The following SYNE2 variants were observed in gnomAD, a reference collection of about 807,000 sequenced individuals.
SYNE2 encodes nesprin-2.
A neutral mutation model predicts 856.3 loss-of-function variants in SYNE2; 431 were observed. That is an observed-to-expected ratio of 0.50 (90% CI 0.47 to 0.55). The LOEUF (loss-of-function observed/expected upper bound fraction) is 0.55. Among genes scored for constraint, SYNE2 ranks in the 20% least tolerant of loss-of-function variants. The probability of loss-of-function intolerance (pLI) is 0.00; values close to 1 mark genes in which losing one functional copy is unlikely to be tolerated. For missense variants in SYNE2, 8,129 were observed against 8,023.2 expected (o/e 1.01, Z -0.50); for synonymous variants, 2,923 against 2,872.3 (o/e 1.02, Z -0.56).
At chr14:64,026,945 A>G (rs2096984996) in intron 42 of SYNE2, among the ~76,000 whole-genome samples, 1 of 152,246 alleles carries the variant, frequency 6.6e-6, no homozygotes, top group Non-Finnish European at 1.5e-5. Context: ...GCTCTTAAAT[A>G]TTTATTTTAA....
intron 52 of SYNE2, among the ~76,000 whole-genome samples, 161 bp from the exon 53 acceptor site, chr14:64,073,806 TG>T (rs1344749167): frequency 6.6e-6 from 1 of 152,234 alleles, no homozygotes; most frequent in Non-Finnish European, 1.5e-5. Context: ...TTTTTATATG[TG>T]GTACATCCAT....
At position 64,056,207 on chromosome 14, in the gene SYNE2, A is replaced by C. The variant is rs370368366; in HGVS notation, c.10008A>C (p.Leu3336=). The part of the protein sequence containing the change: ...KLQLQYTLQE[L]VSKNSAMKEA... ...AACTTCAGTATACTTTACAGGAACT[A>C]GTTTCTAAGAACTCAGCAATGAAGG... Residue 3336 remains leucine, a synonymous_variant, in exon 49 of 116, where the codon CTA becomes CTC. Coordinates refer to ENST00000555002, the MANE Select transcript of SYNE2 (RefSeq NM_182914.3). 64 of 1,614,006 alleles carry C rather than the reference A, an allele frequency of 4.0e-5. No homozygotes were observed. In the African/African-American group the frequency reaches 7.2e-4, roughly 18 times the overall value.
chr14:63,913,195 A>G (rs1344650549), intron 2 of SYNE2, among the ~76,000 whole-genome samples: 2 of 152,152 alleles, frequency 1.3e-5, no homozygotes, highest in Admixed American at 6.5e-5. Flanking sequence ...TCAGCCTCCC[A>G]AAGTGCTGGG....
At chr14:63,817,108 C>T (rs1288237011) in intron 1 of SYNE2, among the ~76,000 whole-genome samples, 1 of 152,178 alleles carries the variant, frequency 6.6e-6, no homozygotes, top group Non-Finnish European at 1.5e-5. Context: ...CAATTCCAGA[C>T]TATCCCAGTT....
intron 6 of SYNE2, among the ~76,000 whole-genome samples, chr14:63,948,790 A>ATGTATATATATGTATATGTGTGTG (rs1566884745): frequency 1.4e-5 from 1 of 74,014 alleles, no homozygotes; most frequent in African/African-American, 7.3e-5. Context: ...GTGTATATAT[A>ATGTATATATATGTATATGTGTGTG]TATATATATA....
chr14:64,173,970 C>T (rs2098422620), intron 94 of SYNE2: 1 of 694,000 alleles, frequency 1.4e-6, no homozygotes, highest in Non-Finnish European at 2.6e-6. Flanking sequence ...TGCACACTGC[C>T]TGCGGAGCGG....
chr14:63,851,643 C>T (rs924321408), upstream of SYNE2, among the ~76,000 whole-genome samples: 1 of 152,152 alleles, frequency 6.6e-6, no homozygotes. Context: ...GTGGGTACAA[C>T]TTACAACTAA....
chr14:63,970,630 G>GTCTTTTT (rs2096461359), intron 11 of SYNE2, among the ~76,000 whole-genome samples: 1 of 137,404 alleles, frequency 7.3e-6, no homozygotes, highest in Non-Finnish European at 1.6e-5. Flanking sequence ...CTTCCTTTCT[G>GTCTTTTT]TCTTTTTTCT....
intron 1 of SYNE2, among the ~76,000 whole-genome samples, chr14:63,796,384 G>C (rs112951759): frequency 6.6e-6 from 1 of 152,142 alleles, no homozygotes; most frequent in Non-Finnish European, 1.5e-5. Context: ...TTGAACCCGG[G>C]AAGCAGAGGT....
At chr14:63,773,549 G>C (rs560068206) in intron 1 of SYNE2, among the ~76,000 whole-genome samples, 39 of 152,142 alleles carry the variant, frequency 2.6e-4, no homozygotes, top group Non-Finnish European at 7.4e-5. Context: ...TTTTTTCTTT[G>C]TTTGTTTTTA....
chr14:63,982,733 T>C lies in SYNE2; in HGVS notation c.1940T>C (p.Ile647Thr). ...EVSNDVVGSS[I>T]SKELRRLNKR... is the part of the protein sequence containing the mutation. ...AGCAATGATGTGGTTGGATCATCTATTTCTAAAGAACTGAGAAGGCTGAAT... is the reference window on the plus strand; with the variant it reads ...AGCAATGATGTGGTTGGATCATCTACTTCTAAAGAACTGAGAAGGCTGAAT... The change falls in exon 17 of 116, where the codon ATT becomes ACT. Residue 647 changes from isoleucine (I) to threonine (T), a missense_variant. This residue lies in a region of SYNE2 where 2,422 missense variants were observed against 2,357.4 expected (regional missense o/e 1.03). Transcript: ENST00000555002. The C allele has an allele frequency of 2.5e-6, 4 of 1,614,098 alleles. No homozygotes were observed. The highest frequency in any genetic ancestry group is 3.4e-6 in the Non-Finnish European group (4 of 1,179,992).
At chr14:64,178,566 T>C (rs1397830162) in intron 96 of SYNE2, among the ~76,000 whole-genome samples, 1 of 150,804 alleles carries the variant, frequency 6.6e-6, no homozygotes, top group African/African-American at 2.5e-5. Flanking sequence ...CAAGCGATCC[T>C]CCTACCTCAG....
Position 64,101,993 on chromosome 14 carries a change from A to G in SYNE2, c.12443A>G (p.Lys4148Arg), listed in dbSNP as rs1393091072. The G allele has an allele frequency of 2.5e-6, 4 of 1,614,126 alleles. No homozygotes were observed. Among genetic ancestry groups the G allele is most frequent in the East Asian group, 2.2e-5 (1 of 44,886 alleles). Residue 4148 changes from lysine to arginine, a missense_variant, in exon 64 of 116, where the codon AAG becomes AGG. Transcript: ENST00000555002. ...QSWSSLWKHDKDMEEDRASSS... is the reference protein window; with the variant it reads ...QSWSSLWKHDRDMEEDRASSS... ...TGGTCTTCACTTTGGAAGCATGACA[A>G]GGACATGGAAGAAGACAGAGCTTCC...
chr14:64,224,399 A>G lies in SYNE2; in HGVS notation c.20383-62A>G, dbSNP rs528810447. The G allele has an allele frequency of 1.4e-5, 18 of 1,246,086 alleles. No homozygotes were observed. The East Asian group carries it at 4.1e-4, about 28-fold the overall frequency. 77.2% of individuals were successfully genotyped at this position (1,246,086 alleles called of 1,614,324 possible). On this transcript the variant is annotated intron_variant, in intron 113 of 115. Coordinates refer to ENST00000555002, the MANE Select transcript of SYNE2 (RefSeq NM_182914.3). ...GATTTAAGGTAGGGGAGGGTGAGCT[A>G]TATCATGAAGAATATGCATGAAACA...
intron 1 of SYNE2, among the ~76,000 whole-genome samples, chr14:63,862,994 C>T (rs558339399): frequency 2.0e-5 from 3 of 152,166 alleles, no homozygotes; most frequent in African/African-American, 4.8e-5. Flanking sequence ...GGTGGAATTT[C>T]ACCATGTTGG....
intron 1 of SYNE2, among the ~76,000 whole-genome samples, chr14:63,829,191 T>A (rs184475953): frequency 2.6e-4 from 40 of 152,094 alleles, no homozygotes; most frequent in African/African-American, 9.4e-4. Flanking sequence ...GGTGGGAGGA[T>A]CGTTTGAGGC....
intron 92 of SYNE2, 103 bp from the exon 93 acceptor site, chr14:64,168,774 C>T: frequency 3.9e-6 from 3 of 778,366 alleles, no homozygotes; most frequent in African/African-American, 1.7e-5. Context: ...ATTAATTATC[C>T]CTCATATCCT....
intron 78 of SYNE2, among the ~76,000 whole-genome samples, chr14:64,136,289 CAAAAAAA>C (rs34694248): frequency 2.1e-4 from 13 of 62,034 alleles, no homozygotes; most frequent in South Asian, 6.1e-4. Flanking sequence ...GACTTCATCT[CAAAAAAA>C]AAAAAAAAAA....
At chr14:63,948,728 ATATGTGTATAGATATGTGTGTG>A (rs1198060054) in intron 6 of SYNE2, among the ~76,000 whole-genome samples, 49 of 90,632 alleles carry the variant, frequency 5.4e-4, no homozygotes, top group African/African-American at 1.1e-3. Flanking sequence ...GTGTGTATAT[ATATGTGTATAGATATGTGTGTG>A]TATATATATG....
Sources: gnomAD v4.1 joint callset for allele counts (sites outside exome capture counted in the v4.1 genomes callset) on GRCh38, gnomAD v4.1.1 for gene constraint, gnomAD v4.1.1 regional missense constraint, MANE v1.5 for transcripts, NCBI Gene and HGNC (gene_info 2026-07-23, HGNC 2026-07-21) for gene names.